The following LGR5 variants were observed in gnomAD, a reference collection of about 807,000 sequenced individuals.
The protein encoded by LGR5 is leucine rich repeat containing G protein-coupled receptor 5, also known as leucine-rich repeat-containing G protein-coupled receptor 5.
In LGR5, 54 loss-of-function variants were observed where a neutral mutation model predicts 76.7. The ratio of observed to expected loss-of-function variants is 0.70; its 90% CI spans 0.57 to 0.88. LGR5 has a LOEUF of 0.88. LGR5 is among the 40% of genes least tolerant of loss of function. LGR5 has a pLI of 0.00. For missense variants in LGR5, 1,078 were observed against 1,073.3 expected (o/e 1.00, Z -0.06); for synonymous variants, 406 against 421.9 (o/e 0.96, Z 0.46).
chr12:71,440,001 C>A lies in LGR5; in HGVS notation c.-80C>A. The A allele has an allele frequency of 1.4e-6, 2 of 1,397,294 alleles. No individual in the cohort carries two copies. The highest frequency in any genetic ancestry group is 2.0e-6 in the Non-Finnish European group (2 of 1,013,260). The allele number at this position is 1,397,294 out of a possible 1,614,324, so 86.6% of individuals were successfully genotyped here. A position where few individuals can be genotyped will look rare whatever the true frequency, so the allele number is the denominator to read the frequency against. On this transcript the variant is annotated 5_prime_UTR_variant, in exon 1 of 18. Coordinates refer to ENST00000266674, the MANE Select transcript of LGR5 (RefSeq NM_003667.4). The surrounding 1 kb of genome is among the most constrained non-coding windows in gnomAD (Gnocchi z 5.3). ...TGAGTTGCAGAAGCCCACGGAGCGG[C>A]GCCCGGCGCGCCACGGCCCGTAGCA... is the stretch of plus-strand genomic sequence containing the variant.
intron 4 of LGR5, among the ~76,000 whole-genome samples, chr12:71,552,723 A>G (rs960183371): frequency 2.0e-5 from 3 of 152,204 alleles, no homozygotes; most frequent in African/African-American, 7.2e-5. Context: ...TGGGAGGAGG[A>G]AAAGGATATC....
intron 1 of LGR5, among the ~76,000 whole-genome samples, chr12:71,477,198 A>T (rs778376041): frequency 2.0e-5 from 3 of 152,124 alleles, no homozygotes; most frequent in Non-Finnish European, 4.4e-5. Flanking sequence ...TAGCTCACAC[A>T]GCCAGGCAAC....
At chr12:71,570,608 T>A (rs1878565642) in intron 11 of LGR5, among the ~76,000 whole-genome samples, 1 of 152,192 alleles carries the variant, frequency 6.6e-6, no homozygotes, top group African/African-American at 2.4e-5. Flanking sequence ...TGGGGGGGTA[T>A]CTTTCAAACC....
chr12:71,510,166 A>T (rs1875078900), intron 2 of LGR5, among the ~76,000 whole-genome samples: 1 of 152,198 alleles, frequency 6.6e-6, no homozygotes, highest in African/African-American at 2.4e-5. Context: ...GCCCATGAAT[A>T]ATCTTCAGGC....
chr12:71,563,098 A>G (rs1878140351), intron 8 of LGR5, among the ~76,000 whole-genome samples: 1 of 152,076 alleles, frequency 6.6e-6, no homozygotes, highest in Admixed American at 6.6e-5. Context: ...TTGATATGCT[A>G]ATACTCCCTG....
rs1040796647 is a variant in LGR5 at position 71,584,886 on chromosome 12, C to T, written c.*152C>T. On this transcript the variant is annotated 3_prime_UTR_variant, in exon 18 of 18. Coordinates refer to ENST00000266674, the MANE Select transcript of LGR5 (RefSeq NM_003667.4). ...CAGTTAGTAAGAAAAGGCTGAAAAC[C>T]TCTTGATACTTGAGAGTGAATATAA... is the stretch of plus-strand genomic sequence containing the variant. 7 of 706,244 alleles carry T rather than the reference C, an allele frequency of 9.9e-6. No homozygotes were observed. The highest frequency in any genetic ancestry group is 1.8e-5 in the African/African-American group (1 of 55,918). The allele number at this position is 706,244 out of a possible 1,614,324, so 43.7% of individuals were successfully genotyped here. A position where few individuals can be genotyped will look rare whatever the true frequency, so the allele number is the denominator to read the frequency against.
Position 71,584,134 on chromosome 12 carries a change from C to G in LGR5, c.2124C>G (p.Ala708=). 3 of 1,614,196 alleles carry G rather than the reference C, an allele frequency of 1.9e-6. No homozygotes were observed. Among genetic ancestry groups the G allele is most frequent in the African/African-American group, 1.3e-5 (1 of 75,032 alleles). ...TGCTGGGTGGCAGCAAGTATGGCGC[C>G]TCCCCTCTCTGCCTGCCTTTGCCTT... ...VPLLGGSKYG[A]SPLCLPLPFG... Residue 708 remains alanine (A), a synonymous_variant, in exon 18 of 18, where the codon GCC becomes GCG. Transcript: ENST00000266674.
chr12:71,476,927 C>T (rs1333056742), intron 1 of LGR5, among the ~76,000 whole-genome samples: 4 of 151,852 alleles, frequency 2.6e-5, no homozygotes, highest in Admixed American at 6.6e-5. Context: ...AAAATATAGC[C>T]GATTAAACAA....
intron 6 of LGR5, among the ~76,000 whole-genome samples, chr12:71,558,631 A>C (rs1407787656): frequency 2.6e-5 from 4 of 152,212 alleles, no homozygotes; most frequent in African/African-American, 9.6e-5. Flanking sequence ...ACAAGTAGGA[A>C]CCTTGATTCA....
At chr12:71,493,695 A>G (rs771515525) in intron 1 of LGR5, among the ~76,000 whole-genome samples, 7 of 151,084 alleles carry the variant, frequency 4.6e-5, no homozygotes, top group Non-Finnish European at 1.0e-4. Flanking sequence ...ATCAGTTACC[A>G]CATAATTTCC....
At position 71,572,163 on chromosome 12, in the gene LGR5, A is replaced by T. The variant is rs137925982; in HGVS notation, c.1136+584A>T. On this transcript the variant is annotated intron_variant, in intron 12 of 17. Coordinates refer to ENST00000266674, the MANE Select transcript of LGR5 (RefSeq NM_003667.4). ...CATGGCGTGATCTCGGCTCACTGCC[A>T]CCTCTGCCTTGTGGGTTCAAGCAAT... Among the ~76,000 whole-genome samples, 683 of 142,088 alleles carry T rather than the reference A, an allele frequency of 4.8e-3. 6 individuals are homozygous for T. The highest frequency in any genetic ancestry group is 0.017 in the African/African-American group (657 of 37,650). The allele number at this position is 142,088 out of a possible 152,430, so 93.2% of individuals were successfully genotyped here.
At chr12:71,572,948 C>G (rs1565772340) in intron 13 of LGR5, 27 bp downstream of exon 13, 1 of 1,561,274 alleles carries the variant, frequency 6.4e-7, no homozygotes, top group Non-Finnish European at 8.8e-7. Context: ...AGTGCGTTCC[C>G]CAGCACAGAG....
chr12:71,524,020 A>G (rs1366912478), intron 2 of LGR5, among the ~76,000 whole-genome samples: 1 of 152,216 alleles, frequency 6.6e-6, no homozygotes, highest in Non-Finnish European at 1.5e-5. Flanking sequence ...ATGTTTATCT[A>G]ATCTATTTTA....
At chr12:71,581,878 C>T (rs1879107735) in intron 16 of LGR5, among the ~76,000 whole-genome samples, 1 of 152,134 alleles carries the variant, frequency 6.6e-6, no homozygotes, top group Non-Finnish European at 1.5e-5. Flanking sequence ...AATATTGGTC[C>T]CCAATTCCCA....
chr12:71,443,524 A>G (rs1871855732), intron 1 of LGR5, among the ~76,000 whole-genome samples: 1 of 152,216 alleles, frequency 6.6e-6, no homozygotes, highest in African/African-American at 2.4e-5. Flanking sequence ...TAAGGAACGC[A>G]CCAAGGTTGA....
chr12:71,490,089 C>A lies in LGR5; in HGVS notation c.213-14525C>A, dbSNP rs1367853694. ...AGGCTTTGGTGAGCCATGATCACAC[C>A]ACTATCCTCCAGCCTGGGCAACAGA... is the stretch of plus-strand genomic sequence containing the variant. On this transcript the variant is annotated intron_variant, in intron 1 of 17. Coordinates refer to ENST00000266674, the MANE Select transcript of LGR5 (RefSeq NM_003667.4). Among the ~76,000 whole-genome samples, 4 of 150,582 alleles carry A rather than the reference C, an allele frequency of 2.7e-5. No individual in the cohort carries two copies. The East Asian group carries it at 7.8e-4, about 30-fold the overall frequency.
chr12:71,557,569 A>G (rs985800564), intron 6 of LGR5, among the ~76,000 whole-genome samples: 26 of 152,156 alleles, frequency 1.7e-4, no homozygotes, highest in Non-Finnish European at 2.8e-4. Context: ...TCAGTTCTTA[A>G]TTGGTACCTA....
At chr12:71,490,267 T>C (rs1256139185) in intron 1 of LGR5, among the ~76,000 whole-genome samples, 1 of 152,248 alleles carries the variant, frequency 6.6e-6, no homozygotes, top group Non-Finnish European at 1.5e-5. Flanking sequence ...TGTTAGTTCA[T>C]ACTGAGTGGT....
intron 1 of LGR5, among the ~76,000 whole-genome samples, chr12:71,468,162 G>C (rs1872937092): frequency 6.6e-6 from 1 of 152,210 alleles, no homozygotes; most frequent in Admixed American, 6.5e-5. Flanking sequence ...GGTACATGTA[G>C]TTTTAGCAAG....
Sources: gnomAD v4.1 joint callset for allele counts (sites outside exome capture counted in the v4.1 genomes callset) on GRCh38, gnomAD v4.1.1 for gene constraint, Gnocchi (gnomAD v3.1) non-coding constraint, MANE v1.5 for transcripts, NCBI Gene and HGNC (gene_info 2026-07-23, HGNC 2026-07-21) for gene names.